Variants in SAMD8 observed in about 807,000 individuals in gnomAD.
SAMD8 encodes the protein sterile alpha motif domain containing 8, also known as sphingomyelin synthase-related protein 1.
SAMD8 carries 20 observed loss-of-function variants against 42.0 expected under a neutral mutation model. That is an observed-to-expected ratio of 0.48 (90% CI 0.34 to 0.69). The LOEUF (loss-of-function observed/expected upper bound fraction) is 0.69. Ranked by LOEUF, SAMD8 falls within the 30% of genes least tolerant of loss-of-function variation. SAMD8 has a pLI of 0.01. For missense variants in SAMD8, 328 were observed against 511.6 expected (o/e 0.64, Z 3.46); for synonymous variants, 162 against 173.0 (o/e 0.94, Z 0.50).
In SAMD8 at chr10:75,133,484, T is replaced by A. The variant is rs549817408; in HGVS notation, c.-15-17030T>A. Reference sequence around the variant, plus strand: ...ATGTCCAAAGGAAATGAAATCAGGATGTTGAAGAGATACTGCACTCTCATG... The same window carrying A: ...ATGTCCAAAGGAAATGAAATCAGGAAGTTGAAGAGATACTGCACTCTCATG... On this transcript the variant is annotated intron_variant, in intron 1 of 5. Coordinates refer to ENST00000542569, the MANE Select transcript of SAMD8 (RefSeq NM_001174156.2). Among the ~76,000 whole-genome samples, 13 of 152,316 alleles carry A rather than the reference T, an allele frequency of 8.5e-5. No homozygotes were observed. The East Asian group carries it at 2.3e-3, about 27-fold the overall frequency.
chr10:75,130,478 C>G (rs561585360), intron 1 of SAMD8, among the ~76,000 whole-genome samples: 16 of 152,194 alleles, frequency 1.1e-4, no homozygotes, highest in African/African-American at 3.4e-4. Flanking sequence ...TGCACTCCAG[C>G]CTGGGCAACA....
rs752755432 is a variant in SAMD8, at chr10:75,105,882, C to A, written c.-16+6154C>A. 24 of 1,544,796 alleles carry A rather than the reference C, an allele frequency of 1.6e-5. No individual in the cohort carries two copies. In the Admixed American group the frequency reaches 4.3e-4, roughly 28 times the overall value. On this transcript the variant is annotated intron_variant, in intron 1 of 3. Coordinates refer to the SAMD8 transcript ENST00000447533. ...CCAGGACCTTGGCTGAGGAAGACAT[C>A]CTGGTGAAAAACCCTGTCCCACACA...
At chr10:75,133,437 C>T (rs1312797962) in intron 1 of SAMD8, among the ~76,000 whole-genome samples, 2 of 152,130 alleles carry the variant, frequency 1.3e-5, no homozygotes, top group Non-Finnish European at 2.9e-5. Flanking sequence ...CCATACGATC[C>T]AGCAATCTCT....
chr10:75,151,520 A>C (rs1340324429), intron 2 of SAMD8, among the ~76,000 whole-genome samples: 1 of 150,184 alleles, frequency 6.7e-6, no homozygotes, highest in Non-Finnish European at 1.5e-5. Flanking sequence ...TGCCCAGCTA[A>C]TTTTTAAGTT....
intron 1 of SAMD8, among the ~76,000 whole-genome samples, chr10:75,129,844 G>A (rs892712647): frequency 3.9e-5 from 6 of 152,104 alleles, no homozygotes; most frequent in African/African-American, 9.7e-5. Flanking sequence ...CTAGAATACA[G>A]GTTATTCTAC....
chr10:75,105,909 C>T (rs779412487), intron 1 of SAMD8: 2 of 1,528,886 alleles, frequency 1.3e-6, no homozygotes, highest in Admixed American at 2.0e-5. Context: ...TCCCACACAC[C>T]GGCCCACCCA....
intron 1 of SAMD8, chr10:75,103,796 C>A: frequency 1.0e-6 from 1 of 965,196 alleles, no homozygotes. Context: ...ATATCTGGAA[C>A]CCCCTTCCTC....
intron 1 of SAMD8, among the ~76,000 whole-genome samples, chr10:75,129,137 T>TC (rs140577316): frequency 0.21 from 28,908 of 140,198 alleles, 2,926 homozygotes; most frequent in East Asian, 0.37. Flanking sequence ...TTCTTCTTCT[T>TC]ATTTTTTTTT....
intron 1 of SAMD8, among the ~76,000 whole-genome samples, chr10:75,101,048 T>A (rs776744126): frequency 2.0e-5 from 3 of 152,206 alleles, no homozygotes; most frequent in Non-Finnish European, 4.4e-5. Flanking sequence ...CCACAGGCCA[T>A]GTGGGGCTGG....
intron 1 of SAMD8, among the ~76,000 whole-genome samples, chr10:75,133,139 G>A (rs111400685): frequency 0.013 from 2,003 of 152,192 alleles, 25 homozygotes; most frequent in Non-Finnish European, 0.019. Context: ...GGTGACTCAC[G>A]CCTGTAATCC....
rs539426818 is a variant in SAMD8 at position 75,125,668 on chromosome 10, A to T, written c.-16+13946A>T. On this transcript the variant is annotated intron_variant, in intron 1 of 5. Coordinates refer to ENST00000542569, the MANE Select transcript of SAMD8 (RefSeq NM_001174156.2). ...TTATTTGAAACATAGTCGAGCCCAC[A>T]GCTATCAGGGACATTTCTGAAACAA... 6.6e-5 allele frequency: 10 copies of T among 152,404 alleles called. No individual in the cohort carries two copies. In the East Asian group the frequency reaches 1.9e-3, roughly 29 times the overall value. 9.4% of individuals were successfully genotyped at this position (152,404 alleles called of 1,614,324 possible).
At chr10:75,128,181 T>C (rs1849189580) in intron 1 of SAMD8, among the ~76,000 whole-genome samples, 1 of 148,964 alleles carries the variant, frequency 6.7e-6, no homozygotes, top group South Asian at 2.2e-4. Context: ...CAAGCAATTC[T>C]CCTACCTCAG....
chr10:75,109,131 C>G (rs751522186), upstream of SAMD8: 40 of 1,605,842 alleles, frequency 2.5e-5, no homozygotes, highest in Middle Eastern at 1.7e-4. Context: ...CCTCTCCCCC[C>G]AGCTCTGGGA....
At chr10:75,129,468 G>T (rs892710528) in intron 1 of SAMD8, among the ~76,000 whole-genome samples, 1 of 152,122 alleles carries the variant, frequency 6.6e-6, no homozygotes, top group Non-Finnish European at 1.5e-5. Flanking sequence ...CTCATCTCCT[G>T]ACCTCGTGAT....
chr10:75,151,108 T>C lies in SAMD8; in HGVS notation c.578+2T>C, dbSNP rs780669167. On this transcript the variant is annotated splice_donor_variant, in intron 2 of 5. Transcript: ENST00000542569. LOFTEE classifies it high-confidence loss of function. Reference sequence around the variant, plus strand: ...ACTCCCAGATATATTCTTAGACAGGTAAGTTTTGTTTCTAGTTGCTAAGTT... The same window carrying C: ...ACTCCCAGATATATTCTTAGACAGGCAAGTTTTGTTTCTAGTTGCTAAGTT... 2 of 1,463,430 alleles carry C rather than the reference T, an allele frequency of 1.4e-6. No homozygotes were observed. Among genetic ancestry groups the C allele is most frequent in the African/African-American group, 1.4e-5 (1 of 70,518 alleles). The allele number at this position is 1,463,430 out of a possible 1,614,324, so 90.7% of individuals were successfully genotyped here.
chr10:75,154,076 AAG>A (rs1314227940), intron 2 of SAMD8, among the ~76,000 whole-genome samples: 2 of 152,154 alleles, frequency 1.3e-5, no homozygotes, highest in East Asian at 3.8e-4. Flanking sequence ...AGCTGTAGTA[AAG>A]AGTTTTTTGT....
chr10:75,111,842 G>A, intron 1 of SAMD8, 120 bp downstream of exon 1: 1 of 1,178,390 alleles, frequency 8.5e-7, no homozygotes, highest in Non-Finnish European at 1.1e-6. Context: ...AGGGGCCCCG[G>A]GGAGACGGTT....
chr10:75,148,046 T>A (rs1433537421), intron 1 of SAMD8, among the ~76,000 whole-genome samples: 1 of 152,156 alleles, frequency 6.6e-6, no homozygotes, highest in Admixed American at 6.5e-5. Flanking sequence ...ATAATAATTT[T>A]CAAAGACAGG....
chr10:75,123,142 T>C (rs1589936772), intron 1 of SAMD8, among the ~76,000 whole-genome samples: 1 of 151,152 alleles, frequency 6.6e-6, no homozygotes, highest in East Asian at 2.0e-4. Context: ...GGACACCTCA[T>C]GCTTGCTTCC....
Sources: gnomAD v4.1 joint callset for allele counts (sites outside exome capture counted in the v4.1 genomes callset) on GRCh38, gnomAD v4.1.1 for gene constraint, MANE v1.5 for transcripts, NCBI Gene and HGNC (gene_info 2026-07-23, HGNC 2026-07-21) for gene names.